Variants in LRRC32 observed in about 807,000 individuals in gnomAD.
LRRC32 encodes transforming growth factor beta activator LRRC32.
Under a neutral mutation model 15.0 loss-of-function variants are expected in LRRC32, and 5 were observed. The observed-to-expected ratio is 0.33, with a 90% CI of 0.17 to 0.70. The LOEUF (loss-of-function observed/expected upper bound fraction) is 0.70, where lower values mean the gene tolerates loss of function less well. LRRC32 is among the 30% of genes least tolerant of loss of function. The probability of loss-of-function intolerance (pLI) is 0.66; values close to 1 mark genes in which losing one functional copy is unlikely to be tolerated. For synonymous variants in LRRC32, 391 were observed against 403.9 expected, an observed-to-expected ratio of 0.97 and a Z score of 0.38; for missense variants, 803 against 854.2, an observed-to-expected ratio of 0.94 and a Z score of 0.75.
Position 76,661,359 on chromosome 11 carries a change from C to T in LRRC32, c.234G>A (p.Leu78=). The change falls in exon 3 of 3, where the codon CTG becomes CTA. Residue 78 remains leucine (L), a synonymous_variant. Transcript: ENST00000260061. The stretch of plus-strand genomic sequence containing the variant: ...AGCTGATCTCATTGGTGCTCAGGTC[C>T]AGGTGACGAAGTGCTGTGTAGAAGC... The part of the protein sequence containing the change: ...PLGFYTALRH[L]DLSTNEISFL... The T allele has an allele frequency of 6.2e-7, 1 of 1,614,192 alleles. No individual in the cohort carries two copies. The highest frequency in any genetic ancestry group is 8.5e-7 in the Non-Finnish European group (1 of 1,180,018).
At position 76,661,140 on chromosome 11, in the gene LRRC32, C is replaced by T. The variant is rs753804494; in HGVS notation, c.453G>A (p.Leu151=). 6.2e-7 allele frequency: 1 copy of T among 1,613,836 alleles called. No individual in the cohort carries two copies. The highest frequency in any genetic ancestry group is 1.7e-5 in the Admixed American group (1 of 60,024). The change falls in exon 3 of 3, where the codon CTG becomes CTA. Residue 151 remains leucine, a synonymous_variant. Coordinates refer to ENST00000260061, the MANE Select transcript of LRRC32 (RefSeq NM_001128922.2). ...TGTTCTCCGCCAGTGAGAGGGTATG[C>T]AGGCTGGGTGCCTCCCCCAGCAGCC... ...LERLLGEAPS[L]HTLSLAENSL... is the part of the protein sequence containing the mutation.
At position 76,658,027 on chromosome 11, in the gene LRRC32, C is replaced by T. The variant is rs1344897886; in HGVS notation, c.*1577G>A. On this transcript the variant is annotated 3_prime_UTR_variant, in exon 3 of 3. Transcript: ENST00000260061. ...AGGGATGGGGGTCATCTGGGTGAGG[C>T]TTTTTACCTGTTTTTGTAAGAGGGA... is the stretch of plus-strand genomic sequence containing the variant. 3 of 152,238 alleles carry T rather than the reference C, an allele frequency of 2.0e-5. No individual in the cohort carries two copies. Among genetic ancestry groups the T allele is most frequent in the African/African-American group, 4.8e-5 (2 of 41,404 alleles). The allele number at this position is 152,238 out of a possible 1,614,324, so 9.4% of individuals were successfully genotyped here. A position where few individuals can be genotyped will look rare whatever the true frequency, so the allele number is the denominator to read the frequency against.
At position 76,660,384 on chromosome 11, in the gene LRRC32, T is replaced by C. The variant is rs564886279; in HGVS notation, c.1209A>G (p.Pro403=). 1.2e-5 allele frequency: 19 copies of C among 1,613,596 alleles called. No individual in the cohort carries two copies. Among genetic ancestry groups the C allele is most frequent in the South Asian group, 3.3e-5 (3 of 91,000 alleles). ...GGCTGGCCAGATTGGCAAAGGTGTA[T>C]GGGGGCAGGTCCCGCAGGGCATTGC... The part of the protein sequence containing the change: ...LQGNALRDLP[P]YTFANLASLQ... Residue 403 remains proline (P), a synonymous_variant, in exon 3 of 3, where the codon CCA becomes CCG. Coordinates refer to ENST00000260061, the MANE Select transcript of LRRC32 (RefSeq NM_001128922.2).
chr11:76,666,100 G>C lies in LRRC32; in HGVS notation c.-4-142C>G, dbSNP rs1726188339. The C allele has an allele frequency of 9.8e-6, 7 of 711,958 alleles. No homozygotes were observed. The South Asian group carries it at 1.3e-4, about 13-fold the overall frequency. The allele number at this position is 711,958 out of a possible 1,614,324, so 44.1% of individuals were successfully genotyped here. A position where few individuals can be genotyped will look rare whatever the true frequency, so the allele number is the denominator to read the frequency against. On this transcript the variant is annotated intron_variant, in intron 1 of 2. Coordinates refer to ENST00000260061, the MANE Select transcript of LRRC32 (RefSeq NM_001128922.2). Reference sequence around the variant, plus strand: ...AGCTGGAATAAAGATGCTTTGAGCAGGGCAGAGAGCCAGGTGGGAAATGGG... The same window carrying C: ...AGCTGGAATAAAGATGCTTTGAGCACGGCAGAGAGCCAGGTGGGAAATGGG...
chr11:76,660,261 G>A lies in LRRC32; in HGVS notation c.1332C>T (p.Ser444=). ...SGCVAFSGIT[S]LRSLSLVDNE... The stretch of plus-strand genomic sequence containing the variant: ...TATCCACCAGGCTCAGGCTGCGGAG[G>A]GAGGTGATGCCGGAGAAGGCCACAC... The change falls in exon 3 of 3, where the codon TCC becomes TCT. Residue 444 remains serine, a synonymous_variant. Transcript: ENST00000260061. 1.3e-6 allele frequency: 2 copies of A among 1,577,088 alleles called. No homozygotes were observed. The highest frequency in any genetic ancestry group is 1.7e-6 in the Non-Finnish European group (2 of 1,164,028).
In LRRC32 at chr11:76,659,352, T is replaced by C; in HGVS notation, c.*252A>G. On this transcript the variant is annotated 3_prime_UTR_variant, in exon 3 of 3. Coordinates refer to ENST00000260061, the MANE Select transcript of LRRC32 (RefSeq NM_001128922.2). ...AAATACATGCTCAGTGAAGATTTGT[T>C]GATCTGACAGGTCAACATTATTCTC... The C allele has an allele frequency of 2.0e-6, 1 of 501,238 alleles. No homozygotes were observed. The allele number at this position is 501,238 out of a possible 1,614,324, so 31.0% of individuals were successfully genotyped here.
At position 76,659,653 on chromosome 11, in the gene LRRC32, G is replaced by A. The variant is rs1396585718; in HGVS notation, c.1940C>T (p.Ala647Val). 1 of 1,614,116 alleles carries A rather than the reference G, an allele frequency of 6.2e-7. No individual in the cohort carries two copies. The highest frequency in any genetic ancestry group is 8.5e-7 in the Non-Finnish European group (1 of 1,180,048). The change falls in exon 3 of 3, where the codon GCC (alanine) becomes GTC (valine). Residue 647 changes from alanine (A) to valine (V), a missense_variant. Ala to Val is a moderately conservative substitution (Grantham distance 64). Coordinates refer to ENST00000260061, the MANE Select transcript of LRRC32 (RefSeq NM_001128922.2). ...VSAILLTTLA[A>V]CCCVRRQKFN... is the part of the protein sequence containing the mutation. ...CTTCTGCCGGCGGACGCAGCAGCAG[G>A]CGGCCAGCGTGGTGAGGAGGATGGC... is the stretch of plus-strand genomic sequence containing the variant.
chr11:76,665,816 C>A lies in LRRC32; in HGVS notation c.84+55G>T, dbSNP rs149080490. 1,122 of 1,610,992 alleles carry A rather than the reference C, an allele frequency of 7.0e-4. 12 individuals are homozygous for A. In the East Asian group the frequency reaches 0.022, roughly 31 times the overall value. On this transcript the variant is annotated intron_variant, in intron 2 of 2. Transcript: ENST00000260061. The stretch of plus-strand genomic sequence containing the variant: ...CTTCTGGGGCTGGGGCACTAGCACA[C>A]CCTAGGGCAGGGAGGTGGGGGTGGT...
chr11:76,668,862 G>T (rs17812076), intron 1 of LRRC32, among the ~76,000 whole-genome samples: 45,889 of 152,114 alleles, frequency 0.3, 7,544 homozygotes, highest in Middle Eastern at 0.38. Flanking sequence ...AGAAGGGATC[G>T]TCCCTGCAGC....
intron 2 of LRRC32, among the ~76,000 whole-genome samples, chr11:76,661,906 C>G (rs1368860137): frequency 6.6e-6 from 1 of 152,140 alleles, no homozygotes; most frequent in African/African-American, 2.4e-5. Flanking sequence ...GAGCTGGGAC[C>G]CAGGGCTCCT....
chr11:76,660,812 G>C lies in LRRC32; in HGVS notation c.781C>G (p.Leu261Val). 1 of 1,614,196 alleles carries C rather than the reference G, an allele frequency of 6.2e-7. No homozygotes were observed. Among genetic ancestry groups the C allele is most frequent in the East Asian group, 2.2e-5 (1 of 44,880 alleles). Residue 261 changes from leucine (L) to valine (V), a missense_variant, in exon 3 of 3, where the codon CTG (leucine) becomes GTG (valine). By Grantham distance (32) the Leu-to-Val change is conservative. Transcript: ENST00000260061. The part of the protein sequence containing the change: ...RENKLLHFPD[L>V]AALPRLIYLN... ...TAGATGAGTCTCGGGAGCGCGGCCA[G>C]GTCGGGGAAATGGAGCAGTTTGTTC...
intron 1 of LRRC32, among the ~76,000 whole-genome samples, chr11:76,670,383 G>C (rs1334088604): frequency 6.6e-6 from 1 of 152,238 alleles, no homozygotes; most frequent in Non-Finnish European, 1.5e-5. Context: ...CTGTCAAATG[G>C]GAAGGCCGGC....
Position 76,659,874 on chromosome 11 carries a change from G to A in LRRC32, c.1719C>T (p.Leu573=), listed in dbSNP as rs137916255. ...LRRLYLQGNP[L]SCCGNGWLAA... is the part of the protein sequence containing the mutation. ...CCAGCCAGCCATTGCCGCAGCAGCT[G>A]AGTGGATTCCCCTGCAGGTAGAGGC... The change falls in exon 3 of 3, where the codon CTC becomes CTT. Residue 573 remains leucine (L), a synonymous_variant. Coordinates refer to ENST00000260061, the MANE Select transcript of LRRC32 (RefSeq NM_001128922.2). 1.4e-5 allele frequency: 23 copies of A among 1,613,934 alleles called. No individual in the cohort carries two copies. Among genetic ancestry groups the A allele is most frequent in the Non-Finnish European group, 1.9e-5 (23 of 1,180,032 alleles).
rs200521007 is a variant in LRRC32 at position 76,660,534 on chromosome 11, G to T, written c.1059C>A (p.Thr353=). The part of the protein sequence containing the change: ...FLNLSRNCLR[T]FEARRLGSLP... Reference sequence around the variant, plus strand: ...GGGAGCCTAAGCGCCGGGCCTCAAAGGTCCGCAAGCAGTTTCTGCTGAGGT... The same window carrying T: ...GGGAGCCTAAGCGCCGGGCCTCAAATGTCCGCAAGCAGTTTCTGCTGAGGT... Residue 353 remains threonine (T), a synonymous_variant, in exon 3 of 3, where the codon ACC becomes ACA. Coordinates refer to ENST00000260061, the MANE Select transcript of LRRC32 (RefSeq NM_001128922.2). 4 of 1,614,182 alleles carry T rather than the reference G, an allele frequency of 2.5e-6. No homozygotes were observed. Among genetic ancestry groups the T allele is most frequent in the South Asian group, 2.2e-5 (2 of 91,078 alleles).
rs201221102 is a variant in LRRC32 at position 76,660,933 on chromosome 11, C to A, written c.660G>T (p.Leu220=). The change falls in exon 3 of 3, where the codon CTG becomes CTT. Residue 220 remains leucine, a synonymous_variant. Transcript: ENST00000260061. ...TGTTGCAGCTCAGGTCTAGCACCCG[C>A]AGCTGCTGGAGGCTGAAGTCGGAGA... is the stretch of plus-strand genomic sequence containing the variant. ...TCISDFSLQQ[L]RVLDLSCNSI... 1 of 1,614,064 alleles carries A rather than the reference C, an allele frequency of 6.2e-7. No individual in the cohort carries two copies. The highest frequency in any genetic ancestry group is 8.5e-7 in the Non-Finnish European group (1 of 1,180,050).
In LRRC32 at chr11:76,658,754, C is replaced by T. The variant is rs1015872997; in HGVS notation, c.*850G>A. The T allele has an allele frequency of 2.6e-5, 4 of 152,902 alleles. No homozygotes were observed. The highest frequency in any genetic ancestry group is 9.6e-5 in the African/African-American group (4 of 41,470). The allele number at this position is 152,902 out of a possible 1,614,324, so 9.5% of individuals were successfully genotyped here. A position where few individuals can be genotyped will look rare whatever the true frequency, so the allele number is the denominator to read the frequency against. ...CAGAACCAGATATCTAAGGTTTTAG[C>T]TCCTGGCTCAGCAGCCAAGGTGGGG... On this transcript the variant is annotated 3_prime_UTR_variant, in exon 3 of 3. Coordinates refer to ENST00000260061, the MANE Select transcript of LRRC32 (RefSeq NM_001128922.2).
At chr11:76,663,226 T>A (rs1952567833) in intron 2 of LRRC32, 1 of 152,238 alleles carries the variant, frequency 6.6e-6, no homozygotes, top group Non-Finnish European at 1.5e-5. Flanking sequence ...TTAGTAAAGG[T>A]CTGAGGCACT....
chr11:76,666,518 G>C (rs1952629436), intron 1 of LRRC32, among the ~76,000 whole-genome samples: 1 of 152,228 alleles, frequency 6.6e-6, no homozygotes. Context: ...CATTGTTCAA[G>C]GGCTGGGCCC....
rs200593139 is a variant in LRRC32 at position 76,661,085 on chromosome 11, G to A, written c.508C>T (p.Arg170Trp). 74 of 1,614,246 alleles carry A rather than the reference G, an allele frequency of 4.6e-5. No homozygotes were observed. Among genetic ancestry groups the A allele is most frequent in the South Asian group, 3.1e-4 (28 of 91,088 alleles). Residue 170 changes from arginine (R) to tryptophan (W), a missense_variant, in exon 3 of 3, where the codon CGG (arginine) becomes TGG (tryptophan). Coordinates refer to ENST00000260061, the MANE Select transcript of LRRC32 (RefSeq NM_001128922.2). ...AGCTGCTCCAGCGCAGGCATGTCCC[G>A]GAAGGTGTGGCGGGTGAGGCGAGTC... Reference protein sequence around the residue: ...SLTRLTRHTFRDMPALEQLDL... With the variant: ...SLTRLTRHTFWDMPALEQLDL...
Sources: gnomAD v4.1 joint callset for allele counts (sites outside exome capture counted in the v4.1 genomes callset) on GRCh38, gnomAD v4.1.1 for gene constraint, MANE v1.5 for transcripts, NCBI Gene and HGNC (gene_info 2026-07-23, HGNC 2026-07-21) for gene names.